Variants in KIF21A observed in about 807,000 individuals in gnomAD.
KIF21A encodes kinesin-like protein KIF21A.
Under a neutral mutation model 202.9 loss-of-function variants are expected in KIF21A, and 114 were observed. The observed-to-expected ratio is 0.56, with a 90% CI of 0.48 to 0.66. The LOEUF is 0.66. Among genes scored for constraint, KIF21A ranks in the 30% least tolerant of loss-of-function variants. The pLI, the probability that KIF21A is intolerant of heterozygous loss-of-function variation, is 0.00. For missense variants in KIF21A, 1,677 were observed against 1,994.9 expected (o/e 0.84, Z 3.04); for synonymous variants, 667 against 670.8 (o/e 0.99, Z 0.09).
At chr12:39,415,409 T>C (rs1276812322) in intron 1 of KIF21A, among the ~76,000 whole-genome samples, 1 of 151,752 alleles carries the variant, frequency 6.6e-6, no homozygotes, top group African/African-American at 2.4e-5. Flanking sequence ...CCGGCTAATT[T>C]TTTTGTATTT....
intron 34 of KIF21A, among the ~76,000 whole-genome samples, chr12:39,306,472 G>A (rs923311338): frequency 1.3e-5 from 2 of 151,796 alleles, no homozygotes; most frequent in African/African-American, 2.4e-5. Flanking sequence ...TAGGACCCTG[G>A]TTTTTCTCTT....
At chr12:39,307,768 G>T in intron 33 of KIF21A, 39 bp from the exon 34 acceptor site, 1 of 1,597,088 alleles carries the variant, frequency 6.3e-7, no homozygotes, top group East Asian at 2.3e-5. Context: ...TCACACTTCT[G>T]GACTTGGGTT....
At chr12:39,440,890 C>T (rs1297077217) in intron 1 of KIF21A, among the ~76,000 whole-genome samples, 1 of 151,982 alleles carries the variant, frequency 6.6e-6, no homozygotes. Context: ...TGGCACATGC[C>T]TGTGATCTCA....
chr12:39,384,509 A>T (rs1301416047), intron 1 of KIF21A, among the ~76,000 whole-genome samples: 2 of 152,202 alleles, frequency 1.3e-5, no homozygotes, highest in African/African-American at 4.8e-5. Context: ...CCATTCTTGG[A>T]CAAGGCTGCT....
rs372447081 is a variant in KIF21A at position 39,323,709 on chromosome 12, C to A, written c.3457-827G>T. Among the ~76,000 whole-genome samples, 228 of 151,502 alleles carry A rather than the reference C, an allele frequency of 1.5e-3. 2 individuals are homozygous for A. Among genetic ancestry groups the A allele is most frequent in the African/African-American group, 5.4e-3 (219 of 40,852 alleles). On this transcript the variant is annotated intron_variant, in intron 26 of 37. Coordinates refer to ENST00000361418, the MANE Select transcript of KIF21A (RefSeq NM_001173464.2). ...CAGATTATAAGCCTCCAGAAAGGAG[C>A]AAACTTGTTTTTTCAGCTGTATAGC...
intron 1 of KIF21A, among the ~76,000 whole-genome samples, chr12:39,391,660 T>C (rs959832797): frequency 1.3e-5 from 2 of 152,240 alleles, no homozygotes; most frequent in African/African-American, 4.8e-5. Flanking sequence ...CCTATGTATA[T>C]GTAATCACAT....
At chr12:39,321,991 ATCTT>A (rs1190780410) in intron 27 of KIF21A, 1 of 152,624 alleles carries the variant, frequency 6.6e-6, no homozygotes, top group Non-Finnish European at 1.5e-5. Flanking sequence ...ATGTGGGAAA[ATCTT>A]TCTTTGTCCT....
At chr12:39,422,120 A>T (rs1592680994) in intron 1 of KIF21A, among the ~76,000 whole-genome samples, 1 of 149,622 alleles carries the variant, frequency 6.7e-6, no homozygotes, top group African/African-American at 2.5e-5. Context: ...CACCACATCC[A>T]GCTAATTTTT....
At chr12:39,421,740 T>TACAC (rs1489262446) in intron 1 of KIF21A, among the ~76,000 whole-genome samples, 1 of 133,452 alleles carries the variant, frequency 7.5e-6, no homozygotes, top group East Asian at 2.2e-4. Context: ...TATATATATA[T>TACAC]ATACACATAC....
intron 1 of KIF21A, among the ~76,000 whole-genome samples, chr12:39,421,031 A>G (rs936140752): frequency 6.6e-6 from 1 of 152,230 alleles, no homozygotes; most frequent in African/African-American, 2.4e-5. Flanking sequence ...CGTGTCACAT[A>G]GTGACATTTT....
intron 17 of KIF21A, among the ~76,000 whole-genome samples, chr12:39,336,163 T>A (rs1946947832): frequency 6.6e-6 from 1 of 152,036 alleles, no homozygotes; most frequent in Non-Finnish European, 1.5e-5. Flanking sequence ...AAAGCAATCC[T>A]CCGGCCTCAG....
At chr12:39,387,809 G>T (rs1051526626) in intron 1 of KIF21A, among the ~76,000 whole-genome samples, 1 of 152,164 alleles carries the variant, frequency 6.6e-6, no homozygotes, top group African/African-American at 2.4e-5. Flanking sequence ...TGGATGAAAC[G>T]TGGTGAGGGA....
At chr12:39,340,086 A>T in intron 16 of KIF21A, 79 bp downstream of exon 16, 1 of 1,111,986 alleles carries the variant, frequency 9.0e-7, no homozygotes, top group Non-Finnish European at 1.3e-6. Flanking sequence ...GGAAAGAACC[A>T]CAAGAGTTGT....
intron 37 of KIF21A, among the ~76,000 whole-genome samples, chr12:39,297,141 G>A (rs1325530506): frequency 6.6e-6 from 1 of 152,168 alleles, no homozygotes; most frequent in African/African-American, 2.4e-5. Context: ...TCTGTCCCAA[G>A]CACAGAAATG....
chr12:39,322,568 T>A (rs1565752873), intron 27 of KIF21A, 100 bp downstream of exon 27: 1 of 870,886 alleles, frequency 1.1e-6, no homozygotes, highest in East Asian at 2.7e-5. Context: ...AGATCAAATT[T>A]ATATAAATTT....
rs1565675815 is a variant in KIF21A at position 39,309,577 on chromosome 12, GTTAC to G, written c.4277+5_4277+8del. The G allele has an allele frequency of 6.3e-7, 1 of 1,579,540 alleles. No individual in the cohort carries two copies. The highest frequency in any genetic ancestry group is 8.7e-7 in the Non-Finnish European group (1 of 1,154,534). On this transcript the variant is annotated splice_donor_5th_base_variant and intron_variant, in intron 33 of 37. Coordinates refer to ENST00000361418, the MANE Select transcript of KIF21A (RefSeq NM_001173464.2). ...CCTCCTTTATGCTATATGTCTTCAA[GTTAC>G]TTACGTTAGTGTTCGAATGCACTTT...
intron 37 of KIF21A, among the ~76,000 whole-genome samples, chr12:39,298,898 TACTTA>T (rs1187701647): frequency 6.6e-6 from 1 of 152,180 alleles, no homozygotes; most frequent in Non-Finnish European, 1.5e-5. Context: ...ATAATAATAA[TACTTA>T]ACTTCTAGAG....
At chr12:39,414,806 T>C (rs943948251) in intron 1 of KIF21A, among the ~76,000 whole-genome samples, 3 of 152,162 alleles carry the variant, frequency 2.0e-5, no homozygotes, top group African/African-American at 7.2e-5. Flanking sequence ...ATTGAAGGAC[T>C]CACGAATTAG....
At chr12:39,317,171 A>C (rs1359167617) in intron 29 of KIF21A, among the ~76,000 whole-genome samples, 1 of 152,214 alleles carries the variant, frequency 6.6e-6, no homozygotes, top group Admixed American at 6.5e-5. Flanking sequence ...AGGATCCATA[A>C]ATAAAAGAAT....
Sources: gnomAD v4.1 joint callset for allele counts (sites outside exome capture counted in the v4.1 genomes callset) on GRCh38, gnomAD v4.1.1 for gene constraint, MANE v1.5 for transcripts, NCBI Gene and HGNC (gene_info 2026-07-23, HGNC 2026-07-21) for gene names.